SLC38A7: variants seen among roughly 807,000 people sequenced by gnomAD.
The protein encoded by SLC38A7 is sodium-coupled neutral amino acid transporter 7.
A neutral mutation model predicts 50.1 loss-of-function variants in SLC38A7; 29 were observed. The observed-to-expected ratio is 0.58, with a 90% confidence interval of 0.43 to 0.79. The LOEUF (loss-of-function observed/expected upper bound fraction) is 0.79. SLC38A7 is among the 30% of genes least tolerant of loss of function. SLC38A7 has a pLI of 0.00. For missense variants in SLC38A7, 483 were observed against 610.6 expected (o/e 0.79, Z 2.20); for synonymous variants, 244 against 245.9 (o/e 0.99, Z 0.07).
chr16:58,678,955 GC>G lies in SLC38A7; in HGVS notation c.271-62del. ...GGCCTGGCAGCAGAGGGCACCCTGG[GC>G]TCGCCTAGCATTTACTGGGCCAGTG... On this transcript the variant is annotated intron_variant, in intron 3 of 11. Transcript: ENST00000219320. The surrounding 1 kb of genome is among the most constrained non-coding windows in gnomAD (Gnocchi z 4.0). 6.5e-7 allele frequency: 1 copy of G among 1,548,230 alleles called. No individual in the cohort carries two copies. Among genetic ancestry groups the G allele is most frequent in the Non-Finnish European group, 8.8e-7 (1 of 1,138,916 alleles).
intron 11 of SLC38A7, among the ~76,000 whole-genome samples, chr16:58,669,103 C>CTTTTTTTTTTTTTTTT (rs71155293): frequency 1.8e-5 from 1 of 54,594 alleles, no homozygotes; most frequent in Non-Finnish European, 3.1e-5. Context: ...GTTTGTATGG[C>CTTTTTTTTTTTTTTTT]TTTTTTTTTT....
chr16:58,671,774 TGCC>T, intron 9 of SLC38A7: 1 of 226,708 alleles, frequency 4.4e-6, no homozygotes, highest in Non-Finnish European at 8.7e-6. Context: ...CTCACTAGGT[TGCC>T]CAGGTGGTCT....
intron 7 of SLC38A7, 31 bp from the exon 8 acceptor site, chr16:58,676,085 G>T: frequency 6.2e-7 from 1 of 1,602,708 alleles, no homozygotes; most frequent in East Asian, 2.2e-5. Context: ...GTCATGGTGG[G>T]GAAATGACCT....
chr16:58,684,405 G>A (rs1243709921), intron 1 of SLC38A7: 2 of 152,514 alleles, frequency 1.3e-5, no homozygotes, highest in Non-Finnish European at 2.9e-5. Flanking sequence ...GTGAGCCAGG[G>A]CGCACCCGGG....
At chr16:58,675,634 C>T (rs939274766) in intron 8 of SLC38A7, among the ~76,000 whole-genome samples, 3 of 152,212 alleles carry the variant, frequency 2.0e-5, no homozygotes, top group Non-Finnish European at 4.4e-5. Flanking sequence ...ATGACTGTCT[C>T]TCCAACAAGA....
chr16:58,668,956 G>T (rs150934149), intron 11 of SLC38A7, among the ~76,000 whole-genome samples: 31,888 of 151,176 alleles, frequency 0.21, 4,826 homozygotes, highest in African/African-American at 0.43. Context: ...TTTTAGTAAA[G>T]ACGGGGTTTT....
intron 3 of SLC38A7, 175 bp downstream of exon 3, chr16:58,679,682 G>A: frequency 1.3e-6 from 1 of 764,726 alleles, no homozygotes; most frequent in Non-Finnish European, 2.0e-6. Flanking sequence ...GGCTTCTGAA[G>A]CCTCATTTGG....
intron 8 of SLC38A7, among the ~76,000 whole-genome samples, chr16:58,674,123 C>T (rs2044216341): frequency 6.6e-6 from 1 of 152,182 alleles, no homozygotes; most frequent in Admixed American, 6.5e-5. Flanking sequence ...CCATGCCTGG[C>T]GGACGCCCAG....
chr16:58,674,530 GC>G (rs1420704528), intron 8 of SLC38A7, among the ~76,000 whole-genome samples: 34 of 152,162 alleles, frequency 2.2e-4, no homozygotes, highest in African/African-American at 7.7e-4. Context: ...TCCCACCTTG[GC>G]CTCCCATAGC....
At chr16:58,668,713 C>CAAAAAAAAAAAAA (rs71155292) in intron 11 of SLC38A7, among the ~76,000 whole-genome samples, 9 of 33,662 alleles carry the variant, frequency 2.7e-4, no homozygotes, top group African/African-American at 5.1e-4. Context: ...AACTCCATCT[C>CAAAAAAAAAAAAA]AAAAAAAAAA....
At chr16:58,669,983 A>AC (rs1048591338) in intron 11 of SLC38A7, 130 bp downstream of exon 11, 1 of 840,780 alleles carries the variant, frequency 1.2e-6, no homozygotes, top group African/African-American at 1.7e-5. Flanking sequence ...TCAAAAAAAA[A>AC]AAAACAAAAC....
Position 58,672,379 on chromosome 16 carries a change from G to C in SLC38A7, c.884-136C>G. ...ACTTAGACGGAGGCTCAGAGTGGGA[G>C]ATGGGGCTCCGATCAGATGCCTCCC... is the stretch of plus-strand genomic sequence containing the variant. On this transcript the variant is annotated intron_variant, in intron 8 of 11. Transcript: ENST00000219320. The C allele has an allele frequency of 3.2e-6, 3 of 945,094 alleles. No homozygotes were observed. In the South Asian group the frequency reaches 5.4e-5, roughly 17 times the overall value. 58.5% of individuals were successfully genotyped at this position (945,094 alleles called of 1,614,324 possible). A position where few individuals can be genotyped will look rare whatever the true frequency, so the allele number is the denominator to read the frequency against.
At chr16:58,676,951 GCCC>G (rs1197599313) in intron 6 of SLC38A7, among the ~76,000 whole-genome samples, 1 of 149,508 alleles carries the variant, frequency 6.7e-6, no homozygotes, top group Non-Finnish European at 1.5e-5. Flanking sequence ...ATTGTGCCTG[GCCC>G]CCCCCCTTTT....
At chr16:58,676,186 A>G in intron 7 of SLC38A7, 103 bp downstream of exon 7, 1 of 1,576,498 alleles carries the variant, frequency 6.3e-7, no homozygotes, top group Non-Finnish European at 8.7e-7. Context: ...CCTTCCCCCC[A>G]GGATTTCCTC....
chr16:58,678,104 G>A lies in SLC38A7; in HGVS notation c.611+229C>T, dbSNP rs1897427167. On this transcript the variant is annotated intron_variant, in intron 5 of 11. Transcript: ENST00000219320. This position sits in a 1 kb window ranked among gnomAD's most constrained non-coding sequence, Gnocchi z 4.0. ...ACTTAGAACTGAACTACTCATGGATGCAAAAGGACATTTAGAACTGAATCT... is the reference window on the plus strand; with the variant it reads ...ACTTAGAACTGAACTACTCATGGATACAAAAGGACATTTAGAACTGAATCT... Among the ~76,000 whole-genome samples, 1 of 152,180 alleles carries A rather than the reference G, an allele frequency of 6.6e-6. No individual in the cohort carries two copies. Among genetic ancestry groups the A allele is most frequent in the Non-Finnish European group, 1.5e-5 (1 of 68,044 alleles).
chr16:58,681,073 A>C (rs532912054), intron 2 of SLC38A7, among the ~76,000 whole-genome samples: 1 of 152,352 alleles, frequency 6.6e-6, no homozygotes, highest in East Asian at 1.9e-4. Flanking sequence ...GGGCTAGATT[A>C]CAATGATCAG....
rs897031528 is a variant in SLC38A7, at chr16:58,671,966, T to C, written c.1031+130A>G. 16 of 1,160,264 alleles carry C rather than the reference T, an allele frequency of 1.4e-5. No individual in the cohort carries two copies. In the Admixed American group the frequency reaches 3.8e-4, roughly 28 times the overall value. 71.9% of individuals were successfully genotyped at this position (1,160,264 alleles called of 1,614,324 possible). ...GCCTGGGATATGTAGGGACCCATCC[T>C]AGGCACCGACTCTTTTCTACAGGCT... On this transcript the variant is annotated intron_variant, in intron 9 of 11. Transcript: ENST00000219320.
chr16:58,671,383 T>C (rs2044156260), intron 9 of SLC38A7, 139 bp from the exon 10 acceptor site: 1 of 781,922 alleles, frequency 1.3e-6, no homozygotes, highest in African/African-American at 1.7e-5. Flanking sequence ...TTCTGTAAAA[T>C]GGGCCACCAG....
At chr16:58,667,840 A>G (rs867331150) in intron 11 of SLC38A7, among the ~76,000 whole-genome samples, 1 of 152,250 alleles carries the variant, frequency 6.6e-6, no homozygotes, top group Non-Finnish European at 1.5e-5. Context: ...GTATGTACCA[A>G]TTAACAGCAA....
Sources: gnomAD v4.1 joint callset for allele counts (sites outside exome capture counted in the v4.1 genomes callset) on GRCh38, gnomAD v4.1.1 for gene constraint, Gnocchi (gnomAD v3.1) non-coding constraint, MANE v1.5 for transcripts, NCBI Gene and HGNC (gene_info 2026-07-23, HGNC 2026-07-21) for gene names.